CAMTA1: variants seen among roughly 807,000 people sequenced by gnomAD.
CAMTA1 encodes calmodulin binding transcription activator 1.
CAMTA1 carries 27 observed loss-of-function variants against 170.9 expected under a neutral mutation model. That is an observed-to-expected ratio of 0.16 (90% CI 0.12 to 0.22). CAMTA1 has a LOEUF of 0.22. CAMTA1 is among the 10% of genes least tolerant of loss of function. The probability of loss-of-function intolerance (pLI) is 1.00; values close to 1 mark genes in which losing one functional copy is unlikely to be tolerated. For synonymous variants in CAMTA1, 833 were observed against 891.5 expected, an observed-to-expected ratio of 0.93 and a Z score of 1.17; for missense variants, 1,619 against 2,217.2, an observed-to-expected ratio of 0.73 and a Z score of 5.42.
chr1:7,628,612 A>G (rs1193891362), intron 6 of CAMTA1, among the ~76,000 whole-genome samples: 1 of 152,236 alleles, frequency 6.6e-6, no homozygotes, highest in Admixed American at 6.5e-5. Flanking sequence ...AAGGCTACAG[A>G]GCACATCAGT....
chr1:7,047,499 C>T (rs1449908885), intron 3 of CAMTA1, among the ~76,000 whole-genome samples: 3 of 152,112 alleles, frequency 2.0e-5, no homozygotes, highest in South Asian at 2.1e-4. Context: ...TCCTCTCTTC[C>T]GCTTACCTTT....
At chr1:7,356,464 A>G (rs1388536657) in intron 5 of CAMTA1, among the ~76,000 whole-genome samples, 1 of 152,196 alleles carries the variant, frequency 6.6e-6, no homozygotes, top group Non-Finnish European at 1.5e-5. Flanking sequence ...TTTTTGAAAG[A>G]TGTGTCCCCA....
intron 4 of CAMTA1, among the ~76,000 whole-genome samples, chr1:7,126,028 A>G (rs1025785938): frequency 2.0e-5 from 3 of 152,170 alleles, no homozygotes; most frequent in Non-Finnish European, 2.9e-5. Context: ...CAGAAGGTGA[A>G]GAGAGAGAAT....
At chr1:6,869,987 G>A (rs1271837079) in intron 3 of CAMTA1, among the ~76,000 whole-genome samples, 1 of 152,192 alleles carries the variant, frequency 6.6e-6, no homozygotes, top group Non-Finnish European at 1.5e-5. Context: ...TCATCTTGAT[G>A]TCAAGAAGAG....
intron 4 of CAMTA1, among the ~76,000 whole-genome samples, chr1:7,223,833 C>A (rs972754849): frequency 1.3e-5 from 2 of 152,066 alleles, no homozygotes; most frequent in African/African-American, 4.8e-5. Flanking sequence ...AATATGCAAG[C>A]GAGATTCCTT....
intron 6 of CAMTA1, among the ~76,000 whole-genome samples, chr1:7,498,253 A>T (rs1489439203): frequency 2.1e-5 from 3 of 139,678 alleles, no homozygotes; most frequent in African/African-American, 5.2e-5. Flanking sequence ...TGTGTGGGAG[A>T]GTGTATGAGA....
chr1:7,124,012 C>T (rs1283426502), intron 4 of CAMTA1, among the ~76,000 whole-genome samples: 2 of 152,172 alleles, frequency 1.3e-5, no homozygotes, highest in African/African-American at 2.4e-5. Context: ...TGCAGGAATG[C>T]GTCTTGGCCA....
At chr1:7,128,080 G>T (rs60770226) in intron 4 of CAMTA1, among the ~76,000 whole-genome samples, 2,485 of 152,294 alleles carry the variant, frequency 0.016, 55 homozygotes, top group African/African-American at 0.056. Flanking sequence ...AGCCCTGGGT[G>T]CCGAGTCTCT....
At chr1:7,595,866 C>T (rs571100825) in intron 6 of CAMTA1, among the ~76,000 whole-genome samples, 3 of 152,300 alleles carry the variant, frequency 2.0e-5, no homozygotes, top group Admixed American at 1.3e-4. Flanking sequence ...TACTTGTGGC[C>T]ACTTTCCACA....
chr1:7,316,263 C>T (rs1677491988), intron 5 of CAMTA1, among the ~76,000 whole-genome samples: 2 of 152,202 alleles, frequency 1.3e-5, no homozygotes, highest in African/African-American at 4.8e-5. Context: ...CCTGGGTCTT[C>T]ACATGGCCTC....
intron 1 of CAMTA1, among the ~76,000 whole-genome samples, chr1:6,810,290 T>C (rs1645008980): frequency 6.6e-6 from 1 of 152,172 alleles, no homozygotes; most frequent in Admixed American, 6.5e-5. Context: ...TTCTTTGGGC[T>C]GTTGGGCTGA....
intron 3 of CAMTA1, among the ~76,000 whole-genome samples, chr1:7,004,427 A>G (rs1177765718): frequency 6.6e-6 from 1 of 152,184 alleles, no homozygotes; most frequent in African/African-American, 2.4e-5. Context: ...GGCTTGGCCA[A>G]TCAGCTGGGC....
At chr1:6,930,907 C>T (rs1011982083) in intron 3 of CAMTA1, among the ~76,000 whole-genome samples, 1 of 152,246 alleles carries the variant, frequency 6.6e-6, no homozygotes, top group Non-Finnish European at 1.5e-5. Context: ...TGGCTCTGGG[C>T]AGGGAGTGGC....
chr1:7,248,968 A>G lies in CAMTA1; in HGVS notation c.303-523A>G, dbSNP rs1666241699. Among the ~76,000 whole-genome samples, 2 of 152,208 alleles carry G rather than the reference A, an allele frequency of 1.3e-5. No homozygotes were observed. The highest frequency in any genetic ancestry group is 4.8e-5 in the African/African-American group (2 of 41,436). ...TCTTTCATATCTAGCAGTAATCTAA[A>G]TGCAGGCAATGAACCAACAGCATTT... On this transcript the variant is annotated intron_variant, in intron 4 of 22. Coordinates refer to ENST00000303635, the MANE Select transcript of CAMTA1 (RefSeq NM_015215.4). The surrounding 1 kb of genome is among the most constrained non-coding windows in gnomAD (Gnocchi z 4.0).
rs1570358206 is a variant in CAMTA1 at position 6,814,326 on chromosome 1, C to CAAG, written c.46-5855_46-5854insAAG. ...CCATCTCCTTCTCTTCCTCCTCTTC[C>CAAG]TGGGCATTTTCCAGTCCCCCTTGGA... On this transcript the variant is annotated intron_variant, in intron 1 of 22. Transcript: ENST00000303635. Among the ~76,000 whole-genome samples, 13 of 152,318 alleles carry CAAG rather than the reference C, an allele frequency of 8.5e-5. No individual in the cohort carries two copies. The East Asian group carries it at 2.5e-3, about 29-fold the overall frequency.
Position 7,752,489 on chromosome 1 carries a change from A to C in CAMTA1, c.4914A>C (p.Gln1638His). 6.2e-7 allele frequency: 1 copy of C among 1,613,308 alleles called. No homozygotes were observed. The highest frequency in any genetic ancestry group is 8.5e-7 in the Non-Finnish European group (1 of 1,179,710). The change falls in exon 21 of 23, where the codon CAA (glutamine) becomes CAC (histidine). Residue 1638 changes from glutamine (Q) to histidine (H), a missense_variant. Transcript: ENST00000303635. ...GTTTGCTAACCAAAAAGCAGGATCA[A>C]GCTGCTCGAAAAATAATGAGGTTTC... ...RSSLLTKKQD[Q>H]AARKIMRFLR...
At chr1:6,882,831 G>C (rs1318603739) in intron 3 of CAMTA1, among the ~76,000 whole-genome samples, 7 of 152,082 alleles carry the variant, frequency 4.6e-5, no homozygotes, top group Admixed American at 4.6e-4. Context: ...AATGTTAAGG[G>C]GAAGCGGGTA....
At chr1:7,352,321 G>A (rs904820562) in intron 5 of CAMTA1, among the ~76,000 whole-genome samples, 2 of 152,182 alleles carry the variant, frequency 1.3e-5, no homozygotes. Context: ...TTTGTCATCT[G>A]GGAGGTGACA....
chr1:7,077,742 C>T (rs150213590), intron 3 of CAMTA1, among the ~76,000 whole-genome samples: 38 of 152,012 alleles, frequency 2.5e-4, no homozygotes, highest in East Asian at 9.7e-4. Flanking sequence ...CGTGGTTGCT[C>T]GGAGTTAGGT....
Sources: gnomAD v4.1 joint callset for allele counts (sites outside exome capture counted in the v4.1 genomes callset) on GRCh38, gnomAD v4.1.1 for gene constraint, Gnocchi (gnomAD v3.1) non-coding constraint, MANE v1.5 for transcripts, NCBI Gene and HGNC (gene_info 2026-07-23, HGNC 2026-07-21) for gene names.